The following USP50 variants were observed in gnomAD, a reference collection of about 807,000 sequenced individuals.
USP50 encodes ubiquitin specific peptidase 50, also known as ubiquitin carboxyl-terminal hydrolase 50.
Under a neutral mutation model 39.2 loss-of-function variants are expected in USP50, and 37 were observed. The observed-to-expected ratio is 0.94, with a 90% CI of 0.73 to 1.24. The LOEUF (loss-of-function observed/expected upper bound fraction) is 1.24. Ranked by LOEUF, USP50 falls within the 50% of genes most tolerant of loss-of-function variation. The pLI is 0.00. For missense variants in USP50, 374 were observed against 398.2 expected (o/e 0.94, Z 0.52); for synonymous variants, 139 against 144.5 (o/e 0.96, Z 0.27).
At chr15:50,531,120 T>C (rs79938649) in intron 5 of USP50, among the ~76,000 whole-genome samples, 3,164 of 152,232 alleles carry the variant, frequency 0.021, 47 homozygotes, top group Non-Finnish European at 0.033. Flanking sequence ...GCCGGGAAAT[T>C]ACCGCGACTG....
intron 1 of USP50, among the ~76,000 whole-genome samples, 186 bp from the exon 2 acceptor site, chr15:50,544,967 G>A (rs986813938): frequency 3.9e-5 from 6 of 152,180 alleles, no homozygotes; most frequent in African/African-American, 1.4e-4. Flanking sequence ...GCAGAGCATA[G>A]TGGCTCACAC....
downstream of USP50, chr15:50,494,004 C>G: frequency 3.2e-6 from 5 of 1,542,052 alleles, no homozygotes; most frequent in South Asian, 5.7e-5. Flanking sequence ...CATCAAGAAT[C>G]TACTGTACCT....
intron 5 of USP50, among the ~76,000 whole-genome samples, 178 bp from the exon 6 acceptor site, chr15:50,530,107 G>C (rs1283132685): frequency 1.3e-5 from 2 of 152,082 alleles, no homozygotes; most frequent in South Asian, 2.1e-4. Flanking sequence ...AGGAGTTTGA[G>C]ACCAGCCTGA....
At chr15:50,537,245 A>AAAAG (rs2052987006) in intron 5 of USP50, among the ~76,000 whole-genome samples, 1 of 150,354 alleles carries the variant, frequency 6.7e-6, no homozygotes, top group Non-Finnish European at 1.5e-5. Context: ...GCGAAAAAAA[A>AAAAG]AAGAAGAAGA....
At chr15:50,509,120 G>A (rs1164268266) in intron 6 of USP50, 13 of 108,028 alleles carry the variant, frequency 1.2e-4, no homozygotes, top group East Asian at 9.6e-4. Flanking sequence ...GCGACAGAGC[G>A]AGACTCCGTC....
downstream of USP50, chr15:50,493,969 C>T (rs528645091): frequency 1.7e-5 from 22 of 1,288,114 alleles, no homozygotes; most frequent in African/African-American, 2.3e-4. Context: ...TGTAGTGCTA[C>T]AGTATGTGAA....
chr15:50,541,824 T>C (rs1349096683), intron 3 of USP50, among the ~76,000 whole-genome samples: 1 of 152,016 alleles, frequency 6.6e-6, no homozygotes. Flanking sequence ...GATCTAAAGG[T>C]AAAATATTAA....
At chr15:50,523,817 T>G (rs2052868949) in intron 6 of USP50, among the ~76,000 whole-genome samples, 1 of 152,272 alleles carries the variant, frequency 6.6e-6, no homozygotes, top group Non-Finnish European at 1.5e-5. Context: ...AGACCTCAAA[T>G]TGCCAAAACA....
At chr15:50,497,573 TTA>T (rs2052465849), downstream of USP50, 1 of 168,656 alleles carries the variant, frequency 5.9e-6, no homozygotes, top group Non-Finnish European at 1.3e-5. Flanking sequence ...CATAACAGAC[TTA>T]GTTATGTGTT....
At chr15:50,537,081 G>GA (rs1222961641) in intron 5 of USP50, among the ~76,000 whole-genome samples, 1 of 151,830 alleles carries the variant, frequency 6.6e-6, no homozygotes, top group African/African-American at 2.4e-5. Flanking sequence ...TGGTATTGGT[G>GA]AAAAAAATAG....
chr15:50,517,982 G>A (rs1284944646), intron 6 of USP50, among the ~76,000 whole-genome samples: 3 of 152,200 alleles, frequency 2.0e-5, no homozygotes, highest in African/African-American at 4.8e-5. Flanking sequence ...TTAATGACGT[G>A]AGTCATCACA....
intron 5 of USP50, among the ~76,000 whole-genome samples, chr15:50,534,116 TTTTA>T (rs1196965244): frequency 5.3e-5 from 8 of 152,204 alleles, no homozygotes; most frequent in African/African-American, 1.9e-4. Context: ...AAATGAAAAC[TTTTA>T]TTTTTCTTAT....
intron 1 of USP50, among the ~76,000 whole-genome samples, chr15:50,545,341 G>A (rs1397593446): frequency 6.6e-6 from 1 of 151,746 alleles, no homozygotes; most frequent in Non-Finnish European, 1.5e-5. Flanking sequence ...AGGCAGGAAC[G>A]ATTATTTTTA....
At chr15:50,497,932 A>G (rs2052479877), downstream of USP50, among the ~76,000 whole-genome samples, 1 of 152,186 alleles carries the variant, frequency 6.6e-6, no homozygotes, top group Non-Finnish European at 1.5e-5. Flanking sequence ...TCCATATATT[A>G]ATTTCCAAAT....
intron 6 of USP50, among the ~76,000 whole-genome samples, chr15:50,515,462 G>A (rs3098185): frequency 0.27 from 40,242 of 151,462 alleles, 6,430 homozygotes; most frequent in East Asian, 0.57. Flanking sequence ...GGCTGGTCTC[G>A]AACTCCTGAT....
rs1212564429 is a variant in USP50, at chr15:50,517,591, A to C, written c.936+12206T>G. On this transcript the variant is annotated intron_variant, in intron 6 of 6. Coordinates refer to ENST00000532404, the MANE Select transcript of USP50 (RefSeq NM_203494.5). Reference sequence around the variant, plus strand: ...GAAATTCATAAATATGTAGAAATTAAACAGTATGCTCCTGAATCACCAATG... The same window carrying C: ...GAAATTCATAAATATGTAGAAATTACACAGTATGCTCCTGAATCACCAATG... 7.2e-5 allele frequency among the ~76,000 whole-genome samples: 11 copies of C among 152,324 alleles called. No individual in the cohort carries two copies. The East Asian group carries it at 2.1e-3, about 29-fold the overall frequency.
chr15:50,522,878 C>T (rs1235354974), intron 6 of USP50, among the ~76,000 whole-genome samples: 1 of 151,880 alleles, frequency 6.6e-6, no homozygotes, highest in Non-Finnish European at 1.5e-5. Context: ...GAACTCCTAA[C>T]CTCAAGTGAT....
At chr15:50,536,988 A>G (rs62019153) in intron 5 of USP50, among the ~76,000 whole-genome samples, 20,449 of 152,208 alleles carry the variant, frequency 0.13, 1,931 homozygotes, top group Non-Finnish European at 0.2. Flanking sequence ...AGAGTAGCCA[A>G]AACTATACTG....
downstream of USP50, chr15:50,497,058 C>G (rs778373800): frequency 1.9e-6 from 3 of 1,574,964 alleles, no homozygotes; most frequent in South Asian, 1.2e-5. Context: ...ATCGAATTAA[C>G]GAGTATCTGC....
Sources: allele counts gnomAD v4.1 joint callset (sites outside exome capture counted in the v4.1 genomes callset), GRCh38; gene constraint gnomAD v4.1.1; transcripts MANE v1.5; gene names NCBI Gene and HGNC (gene_info 2026-07-23, HGNC 2026-07-21).